CDH13: variants seen among roughly 807,000 people sequenced by gnomAD.
CDH13 encodes cadherin 13.
A neutral mutation model predicts 63.8 loss-of-function variants in CDH13; 24 were observed. The ratio of observed to expected loss-of-function variants is 0.38; its 90% confidence interval spans 0.27 to 0.53. The LOEUF (loss-of-function observed/expected upper bound fraction) is 0.53. Ranked by LOEUF, CDH13 falls within the 20% of genes least tolerant of loss-of-function variation. The pLI is 0.85. For missense variants in CDH13, 1,049 were observed against 903.1 expected (o/e 1.16, Z -2.07); for synonymous variants, 503 against 355.3 (o/e 1.42, Z -4.67).
chr16:83,571,571 A>G (rs1275273206), intron 7 of CDH13, among the ~76,000 whole-genome samples: 1 of 152,104 alleles, frequency 6.6e-6, no homozygotes, highest in Non-Finnish European at 1.5e-5. Flanking sequence ...GTGACCATAC[A>G]CTTTTACCAT....
intron 4 of CDH13, among the ~76,000 whole-genome samples, chr16:83,173,740 A>T (rs529005602): frequency 6.6e-6 from 1 of 152,146 alleles, no homozygotes; most frequent in South Asian, 2.1e-4. Flanking sequence ...GCCTCTCCCA[A>T]TCTTCTGGGC....
At chr16:83,191,327 T>A (rs1249605554) in intron 4 of CDH13, among the ~76,000 whole-genome samples, 1 of 147,678 alleles carries the variant, frequency 6.8e-6, no homozygotes, top group African/African-American at 2.5e-5. Flanking sequence ...ATGGTCAACA[T>A]TGTTAACTTT....
Position 83,478,854 on chromosome 16 carries a change from G to A in CDH13, c.782-7623G>A, listed in dbSNP as rs865909565. ...AAGATGAGAAAAAAAAAAAAAAAAA[G>A]AAAAAAAGAAAAAGCTGAATGATGA... On this transcript the variant is annotated intron_variant, in intron 6 of 13. Transcript: ENST00000567109. Among the ~76,000 whole-genome samples, 772 of 137,648 alleles carry A rather than the reference G, an allele frequency of 5.6e-3. 1 individual carries two copies. The highest frequency in any genetic ancestry group is 0.019 in the Middle Eastern group (5 of 266). The allele number at this position is 137,648 out of a possible 152,430, so 90.3% of individuals were successfully genotyped here.
At chr16:83,648,971 T>C (rs2150816306) in intron 8 of CDH13, among the ~76,000 whole-genome samples, 1 of 152,330 alleles carries the variant, frequency 6.6e-6, no homozygotes, top group South Asian at 2.1e-4. Context: ...CCTACTATGC[T>C]ATCTGGCAAT....
intron 4 of CDH13, among the ~76,000 whole-genome samples, chr16:83,128,970 G>T (rs879763805): frequency 6.6e-6 from 1 of 152,200 alleles, no homozygotes; most frequent in Admixed American, 6.5e-5. Flanking sequence ...TTACTGCACT[G>T]CTTTGCAAAA....
intron 6 of CDH13, among the ~76,000 whole-genome samples, chr16:83,385,454 T>G (rs1278595531): frequency 6.6e-6 from 1 of 152,238 alleles, no homozygotes; most frequent in Non-Finnish European, 1.5e-5. Context: ...ATCTTAATAG[T>G]CAGAGTAAGC....
chr16:83,374,665 T>G (rs2091429745), intron 6 of CDH13, among the ~76,000 whole-genome samples: 1 of 152,210 alleles, frequency 6.6e-6, no homozygotes, highest in Non-Finnish European at 1.5e-5. Flanking sequence ...GAAAGTACCT[T>G]GCGCTGTGTG....
chr16:83,663,668 C>T (rs944021140), intron 8 of CDH13, among the ~76,000 whole-genome samples: 1 of 152,026 alleles, frequency 6.6e-6, no homozygotes, highest in Non-Finnish European at 1.5e-5. Flanking sequence ...AGAGGCATGC[C>T]CCAGGTTGTC....
chr16:82,725,260 C>T (rs780021491), intron 1 of CDH13, among the ~76,000 whole-genome samples: 3 of 152,114 alleles, frequency 2.0e-5, no homozygotes, highest in Admixed American at 6.6e-5. Flanking sequence ...TCCCCATACT[C>T]GTTATTGTCT....
chr16:83,100,011 C>T (rs181067882), intron 3 of CDH13, among the ~76,000 whole-genome samples: 1 of 152,192 alleles, frequency 6.6e-6, no homozygotes, highest in East Asian at 1.9e-4. Context: ...TCTGTTTCTG[C>T]TAACAGTCAG....
At chr16:83,019,836 T>TA (rs562381483) in intron 2 of CDH13, among the ~76,000 whole-genome samples, 12,134 of 100,598 alleles carry the variant, frequency 0.12, 677 homozygotes, top group Middle Eastern at 0.15. Flanking sequence ...GAGTACACTC[T>TA]AAAAAAAAAA....
At chr16:83,432,682 T>C (rs2151484946) in intron 6 of CDH13, among the ~76,000 whole-genome samples, 1 of 152,276 alleles carries the variant, frequency 6.6e-6, no homozygotes, top group East Asian at 1.9e-4. Context: ...CTCATGCAGA[T>C]GTCATGAGCT....
intron 2 of CDH13, among the ~76,000 whole-genome samples, chr16:82,897,668 C>G (rs1051938139): frequency 6.6e-6 from 1 of 152,252 alleles, no homozygotes; most frequent in Non-Finnish European, 1.5e-5. Context: ...AGCCCATACC[C>G]TTAGCTATTA....
intron 8 of CDH13, among the ~76,000 whole-genome samples, chr16:83,628,179 G>A (rs187860857): frequency 2.0e-5 from 3 of 152,278 alleles, no homozygotes; most frequent in East Asian, 3.9e-4. Context: ...GCCTGGGAAC[G>A]CAGCCCAGTA....
At chr16:82,825,977 C>T (rs1300321229) in intron 1 of CDH13, 1 of 152,276 alleles carries the variant, frequency 6.6e-6, no homozygotes, top group South Asian at 2.1e-4. Context: ...CCTCACCCTC[C>T]CAAGTAGCTG....
chr16:82,815,924 A>G (rs77245073), intron 1 of CDH13, among the ~76,000 whole-genome samples: 3,438 of 152,322 alleles, frequency 0.023, 124 homozygotes, highest in African/African-American at 0.078. Flanking sequence ...TCTGAATGCA[A>G]GACACGTGTT....
chr16:83,387,102 A>G (rs1329914866), intron 6 of CDH13, among the ~76,000 whole-genome samples: 1 of 152,216 alleles, frequency 6.6e-6, no homozygotes, highest in Non-Finnish European at 1.5e-5. Flanking sequence ...GGAGGAAAAC[A>G]GGGGCCAGAA....
intron 5 of CDH13, among the ~76,000 whole-genome samples, chr16:83,242,613 T>C (rs1045485669): frequency 1.4e-4 from 22 of 152,278 alleles, no homozygotes; most frequent in East Asian, 1.9e-4. Flanking sequence ...AGAAGGCTCA[T>C]GGAGTTAGAT....
At chr16:83,097,022 T>C (rs768335661) in intron 3 of CDH13, among the ~76,000 whole-genome samples, 2 of 152,176 alleles carry the variant, frequency 1.3e-5, no homozygotes, top group African/African-American at 2.4e-5. Flanking sequence ...TCTGGAGAAA[T>C]ATTGATAGAG....
Sources: gnomAD v4.1 joint callset for allele counts (sites outside exome capture counted in the v4.1 genomes callset) on GRCh38, gnomAD v4.1.1 for gene constraint, MANE v1.5 for transcripts, NCBI Gene and HGNC (gene_info 2026-07-23, HGNC 2026-07-21) for gene names.